The following PCDH15 variants were observed in gnomAD, a reference collection of about 807,000 sequenced individuals.
PCDH15 encodes protocadherin-15.
In PCDH15, 129 loss-of-function variants were observed where a neutral mutation model predicts 178.5. The observed-to-expected ratio is 0.72, with a 90% confidence interval of 0.63 to 0.84. The LOEUF is 0.84. Ranked by LOEUF, PCDH15 falls within the 40% of genes least tolerant of loss-of-function variation. PCDH15 has a pLI of 0.00. For missense variants in PCDH15, 2,230 were observed against 2,099.9 expected (o/e 1.06, Z -1.21); for synonymous variants, 800 against 732.0 (o/e 1.09, Z -1.50).
chr10:54,492,889 G>A (rs983418927), intron 3 of PCDH15, among the ~76,000 whole-genome samples: 1 of 152,124 alleles, frequency 6.6e-6, no homozygotes, highest in Non-Finnish European at 1.5e-5. Flanking sequence ...AAAGACAGAA[G>A]TTTAATGGAC....
chr10:54,876,329 T>C (rs192895748), intron 3 of PCDH15, among the ~76,000 whole-genome samples: 3 of 152,312 alleles, frequency 2.0e-5, no homozygotes, highest in Admixed American at 1.3e-4. Flanking sequence ...GAAGGAAATG[T>C]TATTTTCATG....
intron 2 of PCDH15, among the ~76,000 whole-genome samples, chr10:54,530,055 TAAAA>T (rs2083754856): frequency 6.6e-6 from 1 of 152,024 alleles, no homozygotes; most frequent in African/African-American, 2.4e-5. Context: ...TATAGAATAA[TAAAA>T]GAAGGGGAAA....
chr10:54,030,061 T>G (rs2093247009), intron 18 of PCDH15, among the ~76,000 whole-genome samples: 1 of 152,122 alleles, frequency 6.6e-6, no homozygotes, highest in Non-Finnish European at 1.5e-5. Context: ...GATAGAAAAT[T>G]TTATGACAAA....
chr10:53,959,252 T>TA (rs1564861344), intron 23 of PCDH15, among the ~76,000 whole-genome samples: 3 of 147,718 alleles, frequency 2.0e-5, no homozygotes, highest in Admixed American at 1.4e-4. Flanking sequence ...CACACTACAT[T>TA]TATATATATA....
At chr10:55,396,327 C>T (rs986076353) in intron 2 of PCDH15, among the ~76,000 whole-genome samples, 1 of 152,134 alleles carries the variant, frequency 6.6e-6, no homozygotes, top group Non-Finnish European at 1.5e-5. Context: ...ACAGCCTTTG[C>T]ATCTTAAAAG....
chr10:53,857,215 G>A lies in PCDH15; in HGVS notation c.3766C>T (p.Pro1256Ser), dbSNP rs775954124. The A allele has an allele frequency of 1.7e-5, 27 of 1,610,788 alleles. No individual in the cohort carries two copies. In the East Asian group the frequency reaches 6.0e-4, roughly 36 times the overall value. The part of the protein sequence containing the change: ...LDMQVIVSNV[P>S]PTLVEKKIED... ...ATCTTTTTTTCCACTAGAGTAGGAG[G>A]CACATTGGAAACAATGACTTGCATA... Residue 1256 changes from proline (P) to serine (S), a missense_variant, in exon 28 of 38, where the codon CCT (proline) becomes TCT (serine). Pro to Ser is a moderately conservative substitution (Grantham distance 74). Transcript: ENST00000644397.
chr10:54,941,295 T>C (rs868474871), intron 2 of PCDH15, among the ~76,000 whole-genome samples: 6 of 152,100 alleles, frequency 3.9e-5, no homozygotes, highest in Non-Finnish European at 5.9e-5. Context: ...CTATTCCCTT[T>C]CTACCCCTCT....
chr10:55,396,974 C>A (rs767469814), intron 2 of PCDH15, among the ~76,000 whole-genome samples: 3 of 152,120 alleles, frequency 2.0e-5, no homozygotes, highest in Non-Finnish European at 4.4e-5. Context: ...AAAGGTCACA[C>A]AGTGTGAGTA....
At chr10:54,665,476 A>T (rs1378688134) in intron 1 of PCDH15, among the ~76,000 whole-genome samples, 2 of 152,070 alleles carry the variant, frequency 1.3e-5, no homozygotes. Flanking sequence ...GATAAGGTTT[A>T]TCAGAGGGTA....
intron 25 of PCDH15, among the ~76,000 whole-genome samples, chr10:53,925,383 G>A (rs2084436735): frequency 6.6e-6 from 1 of 152,168 alleles, no homozygotes; most frequent in African/African-American, 2.4e-5. Context: ...GCGGGACCAC[G>A]AACCCACCAG....
rs952407163 is a variant in PCDH15, at chr10:55,436,188, G to A, written c.-156+191437C>T. Among the ~76,000 whole-genome samples, 4 of 152,014 alleles carry A rather than the reference G, an allele frequency of 2.6e-5. No individual in the cohort carries two copies. The South Asian group carries it at 6.2e-4, about 24-fold the overall frequency. ...ATTACTGTTGTAAAGGGAGGACTGA[G>A]CCTTGCAAATCAAACATAAATACTT... On this transcript the variant is annotated intron_variant, in intron 2 of 5. Transcript: ENST00000613346.
At chr10:54,105,349 CACACACAT>C (rs2094898991) in intron 15 of PCDH15, among the ~76,000 whole-genome samples, 1 of 147,964 alleles carries the variant, frequency 6.8e-6, no homozygotes, top group Non-Finnish European at 1.5e-5. Flanking sequence ...TACACACACA[CACACACAT>C]ACACAAAACT....
chr10:53,995,781 A>T lies in PCDH15; in HGVS notation c.2752-16T>A. 1 of 1,611,296 alleles carries T rather than the reference A, an allele frequency of 6.2e-7. No individual in the cohort carries two copies. The highest frequency in any genetic ancestry group is 1.1e-5 in the South Asian group (1 of 91,006). Reference sequence around the variant, plus strand: ...CATTCATATCCTGTAAAACACAATTAGGAGTTTAGTACTTCAGTTGAAACC... The same window carrying T: ...CATTCATATCCTGTAAAACACAATTTGGAGTTTAGTACTTCAGTTGAAACC... On this transcript the variant is annotated splice_polypyrimidine_tract_variant and intron_variant, in intron 20 of 37. Coordinates refer to ENST00000644397, the MANE Select transcript of PCDH15 (RefSeq NM_001384140.1).
intron 1 of PCDH15, among the ~76,000 whole-genome samples, chr10:54,713,832 A>G (rs1360473666): frequency 2.0e-5 from 3 of 152,170 alleles, no homozygotes; most frequent in Non-Finnish European, 2.9e-5. Flanking sequence ...TGTTTTATCA[A>G]AAAGGTTAAA....
At chr10:54,994,225 C>T (rs950320465) in intron 2 of PCDH15, among the ~76,000 whole-genome samples, 1 of 152,084 alleles carries the variant, frequency 6.6e-6, no homozygotes, top group African/African-American at 2.4e-5. Context: ...AATTAATGTC[C>T]TAATTAATGA....
chr10:53,991,096 C>T (rs1435309184), intron 21 of PCDH15, among the ~76,000 whole-genome samples: 1 of 152,110 alleles, frequency 6.6e-6, no homozygotes, highest in Non-Finnish European at 1.5e-5. Flanking sequence ...ACCCCCCCCA[C>T]CCCCGTGGGC....
intron 2 of PCDH15, among the ~76,000 whole-genome samples, chr10:54,616,726 C>T (rs148275533): frequency 2.0e-5 from 3 of 152,144 alleles, no homozygotes; most frequent in African/African-American, 4.8e-5. Context: ...ATGAGTACCT[C>T]GGAACTGGAA....
chr10:54,520,457 G>GA (rs2082727129), intron 3 of PCDH15, among the ~76,000 whole-genome samples: 1 of 152,020 alleles, frequency 6.6e-6, no homozygotes, highest in African/African-American at 2.4e-5. Flanking sequence ...AAAAACACAT[G>GA]AAAAAATGCT....
intron 1 of PCDH15, among the ~76,000 whole-genome samples, chr10:55,266,396 G>T (rs1429227287): frequency 1.3e-5 from 2 of 152,208 alleles, no homozygotes; most frequent in South Asian, 2.1e-4. Context: ...TATTTTAACA[G>T]CAGTTAGATG....
Sources: gnomAD v4.1 joint callset for allele counts (sites outside exome capture counted in the v4.1 genomes callset) on GRCh38, gnomAD v4.1.1 for gene constraint, MANE v1.5 for transcripts, NCBI Gene and HGNC (gene_info 2026-07-23, HGNC 2026-07-21) for gene names.